ACAD11: variants seen among roughly 807,000 people sequenced by gnomAD.
The protein encoded by ACAD11 is acyl-CoA dehydrogenase family member 11.
In ACAD11, 83 loss-of-function variants were observed where a neutral mutation model predicts 102.2. That is an observed-to-expected ratio of 0.81 (90% CI 0.68 to 0.97). The LOEUF is 0.97. Among genes scored for constraint, ACAD11 ranks in the 50% least tolerant of loss-of-function variants. The pLI is 0.00. For synonymous variants in ACAD11, 324 were observed against 319.8 expected (o/e 1.01, Z -0.14); for missense variants, 901 against 951.7 (o/e 0.95, Z 0.70).
At chr3:132,571,768 A>G (rs1417985691) in intron 17 of ACAD11, among the ~76,000 whole-genome samples, 7 of 152,200 alleles carry the variant, frequency 4.6e-5, no homozygotes, top group East Asian at 3.8e-4. Flanking sequence ...TTGCAAATCA[A>G]TAAATCTGAT....
chr3:132,624,209 G>A (rs1939713532), intron 9 of ACAD11, among the ~76,000 whole-genome samples: 1 of 151,716 alleles, frequency 6.6e-6, no homozygotes, highest in African/African-American at 2.4e-5. Flanking sequence ...AGGAGGCTGA[G>A]TTGGGTGGTT....
Position 132,583,239 on chromosome 3 carries a change from G to A in ACAD11, c.1622-3681C>T, listed in dbSNP as rs1937642161. Among the ~76,000 whole-genome samples, 4 of 152,136 alleles carry A rather than the reference G, an allele frequency of 2.6e-5. No individual in the cohort carries two copies. The South Asian group carries it at 8.3e-4, about 32-fold the overall frequency. Reference sequence around the variant, plus strand: ...GCCTCAATTTCAGACCCTGTTATTGGTCTATTCAGAGATTCAACTTCTTCC... The same window carrying A: ...GCCTCAATTTCAGACCCTGTTATTGATCTATTCAGAGATTCAACTTCTTCC... On this transcript the variant is annotated intron_variant, in intron 13 of 19. Transcript: ENST00000264990.
At chr3:132,596,705 A>G (rs1938323801) in intron 13 of ACAD11, among the ~76,000 whole-genome samples, 1 of 152,200 alleles carries the variant, frequency 6.6e-6, no homozygotes, top group Non-Finnish European at 1.5e-5. Flanking sequence ...CAAGAAAGCA[A>G]GAGAGTTTAA....
chr3:132,600,830 C>T lies in ACAD11; in HGVS notation c.1621+2399G>A, dbSNP rs147070680. 3.2e-5 allele frequency: 52 copies of T among 1,614,002 alleles called. No individual in the cohort carries two copies. The African/African-American group carries it at 6.7e-4, about 21-fold the overall frequency. The stretch of plus-strand genomic sequence containing the variant: ...CAGATATGTGGCAGTAACTAAAGTC[C>T]CCAGCCAATCAGGAGTGGGAAAACC... On this transcript the variant is annotated intron_variant, in intron 13 of 19. Transcript: ENST00000264990.
At chr3:132,631,130 G>A (rs1419932104) in intron 6 of ACAD11, among the ~76,000 whole-genome samples, 2 of 151,702 alleles carry the variant, frequency 1.3e-5, no homozygotes, top group Non-Finnish European at 2.9e-5. Flanking sequence ...TTGTGCACAT[G>A]TACCCTAAAA....
intron 15 of ACAD11, 55 bp downstream of exon 15, chr3:132,578,741 G>C: frequency 2.5e-6 from 4 of 1,580,760 alleles, no homozygotes; most frequent in Non-Finnish European, 3.5e-6. Flanking sequence ...CAATGTTACT[G>C]CATATTCTAG....
intron 9 of ACAD11, 104 bp downstream of exon 9, chr3:132,626,587 T>C (rs1398345959): frequency 9.0e-6 from 12 of 1,340,432 alleles, no homozygotes; most frequent in African/African-American, 2.9e-5. Flanking sequence ...TAGGTAAGGA[T>C]TGACTAAAGA....
intron 11 of ACAD11, 113 bp downstream of exon 11, chr3:132,618,521 G>T: frequency 1.0e-6 from 1 of 981,976 alleles, no homozygotes; most frequent in Non-Finnish European, 1.4e-6. Flanking sequence ...TAAAATTATA[G>T]CTAAATTCAT....
At chr3:132,631,973 A>G (rs1576606812) in intron 5 of ACAD11, among the ~76,000 whole-genome samples, 1 of 152,224 alleles carries the variant, frequency 6.6e-6, no homozygotes, top group African/African-American at 2.4e-5. Context: ...TAAATATAAA[A>G]TCCACCATTA....
At position 132,558,688 on chromosome 3, in the gene ACAD11, A is replaced by T. The variant is rs1202154368; in HGVS notation, c.*283T>A. The T allele has an allele frequency of 6.6e-6, 2 of 301,200 alleles. No homozygotes were observed. Among genetic ancestry groups the T allele is most frequent in the Non-Finnish European group, 1.2e-5 (2 of 165,086 alleles). 18.7% of individuals were successfully genotyped at this position (301,200 alleles called of 1,614,324 possible). A position where few individuals can be genotyped will look rare whatever the true frequency, so the allele number is the denominator to read the frequency against. ...TTTCATTTTTAAATTTTTTGTAGCA[A>T]TGGGGGTCTCGCTATGTTGCCCAGG... On this transcript the variant is annotated 3_prime_UTR_variant, in exon 20 of 20. Transcript: ENST00000264990.
chr3:132,580,833 C>T (rs921236471), intron 13 of ACAD11, among the ~76,000 whole-genome samples: 4 of 151,676 alleles, frequency 2.6e-5, no homozygotes, highest in Admixed American at 1.3e-4. Flanking sequence ...GAATAGAAAA[C>T]CAAGAATCTG....
chr3:132,583,470 A>T (rs1288140400), intron 13 of ACAD11, among the ~76,000 whole-genome samples: 1 of 152,030 alleles, frequency 6.6e-6, no homozygotes, highest in Admixed American at 6.6e-5. Flanking sequence ...CTAGAGGTCT[A>T]TCAATTTTGT....
At chr3:132,587,772 C>T (rs974572710) in intron 13 of ACAD11, among the ~76,000 whole-genome samples, 1 of 152,196 alleles carries the variant, frequency 6.6e-6, no homozygotes, top group Admixed American at 6.5e-5. Context: ...TAGAGTAAAA[C>T]TGCAGAGTCT....
chr3:132,606,444 A>C (rs1432398094), intron 11 of ACAD11, among the ~76,000 whole-genome samples: 2 of 152,240 alleles, frequency 1.3e-5, no homozygotes, highest in East Asian at 3.8e-4. Context: ...TATTGAATTC[A>C]AAATTTCCAA....
intron 8 of ACAD11, among the ~76,000 whole-genome samples, chr3:132,627,684 T>C: frequency 6.6e-6 from 1 of 152,074 alleles, no homozygotes; most frequent in East Asian, 1.9e-4. Flanking sequence ...TAAAATAAAA[T>C]AAAGAAGACC....
At chr3:132,573,887 C>A (rs1162658705) in intron 17 of ACAD11, among the ~76,000 whole-genome samples, 2 of 152,112 alleles carry the variant, frequency 1.3e-5, no homozygotes, top group Non-Finnish European at 2.9e-5. Flanking sequence ...TGGAAGGAGC[C>A]TCCAAATTCA....
intron 1 of ACAD11, among the ~76,000 whole-genome samples, chr3:132,649,132 C>T (rs1940830355): frequency 6.6e-6 from 1 of 152,228 alleles, no homozygotes; most frequent in African/African-American, 2.4e-5. Context: ...CAGGTATTGT[C>T]CAAGGTTTCT....
rs774128830 is a variant in ACAD11 at position 132,630,541 on chromosome 3, CT to C, written c.858del (p.Glu287AsnfsTer2). 8 of 1,609,924 alleles carry C rather than the reference CT, an allele frequency of 5.0e-6. No homozygotes were observed. In the East Asian group the frequency reaches 1.8e-4, roughly 36 times the overall value. ...YSENSGIPSM[E>X]ELISIYCRCR... ...CAGCGGCAATATATTGAAATCAGTT[CT>C]TCCATTGATGGTATCCCTATAAAAA... is the stretch of plus-strand genomic sequence containing the variant. On this transcript the variant is annotated frameshift_variant, in exon 7 of 20. Coordinates refer to ENST00000264990, the MANE Select transcript of ACAD11 (RefSeq NM_032169.5). LOFTEE classifies it high-confidence loss of function.
intron 5 of ACAD11, among the ~76,000 whole-genome samples, chr3:132,635,743 A>C (rs1940249670): frequency 6.6e-6 from 1 of 152,186 alleles, no homozygotes; most frequent in South Asian, 2.1e-4. Context: ...ATATGTTCAG[A>C]GCTTGGCATA....
Sources: allele counts gnomAD v4.1 joint callset (sites outside exome capture counted in the v4.1 genomes callset), GRCh38; gene constraint gnomAD v4.1.1; transcripts MANE v1.5; gene names NCBI Gene and HGNC (gene_info 2026-07-23, HGNC 2026-07-21).